Variants in MANBA observed in about 807,000 individuals in gnomAD.
The protein encoded by MANBA is mannosidase beta.
Under a neutral mutation model 111.1 loss-of-function variants are expected in MANBA, and 83 were observed. The ratio of observed to expected loss-of-function variants is 0.75; its 90% CI spans 0.63 to 0.90. MANBA has a LOEUF of 0.90. Ranked by LOEUF, MANBA falls within the 40% of genes least tolerant of loss-of-function variation. The pLI is 0.00. For synonymous variants in MANBA, 370 were observed against 378.7 expected (o/e 0.98, Z 0.27); for missense variants, 1,036 against 1,069.0 (o/e 0.97, Z 0.43).
chr4:102,642,974 C>T (rs1235934607), intron 13 of MANBA, among the ~76,000 whole-genome samples: 3 of 152,128 alleles, frequency 2.0e-5, no homozygotes, highest in African/African-American at 7.2e-5. Context: ...ATTCACATAC[C>T]ATAAAATTCA....
chr4:102,664,631 C>T, intron 11 of MANBA, 54 bp downstream of exon 11: 1 of 1,522,232 alleles, frequency 6.6e-7, no homozygotes, highest in South Asian at 1.1e-5. Context: ...AGCCACCACG[C>T]CCAGCCCTAA....
chr4:102,663,448 T>C (rs1731061962), intron 11 of MANBA, among the ~76,000 whole-genome samples: 1 of 152,190 alleles, frequency 6.6e-6, no homozygotes, highest in Admixed American at 6.5e-5. Flanking sequence ...AATATCAATA[T>C]TGTGAATAAA....
intron 11 of MANBA, among the ~76,000 whole-genome samples, chr4:102,662,203 A>G (rs1475446763): frequency 6.6e-6 from 1 of 152,172 alleles, no homozygotes; most frequent in Non-Finnish European, 1.5e-5. Flanking sequence ...AACAAAAGCA[A>G]TAAGGATGAT....
chr4:102,691,500 C>CTCTTT (rs1003313993), intron 5 of MANBA, among the ~76,000 whole-genome samples: 1 of 150,698 alleles, frequency 6.6e-6, no homozygotes, highest in Non-Finnish European at 1.5e-5. Context: ...AAGGCTTTCT[C>CTCTTT]TCTTTTCTTT....
At chr4:102,635,584 T>C (rs578158429) in intron 15 of MANBA, among the ~76,000 whole-genome samples, 1 of 152,214 alleles carries the variant, frequency 6.6e-6, no homozygotes, top group Admixed American at 6.5e-5. Flanking sequence ...GGGCACATTA[T>C]AGCATATGTG....
At chr4:102,685,597 T>C (rs1397591203) in intron 7 of MANBA, among the ~76,000 whole-genome samples, 1 of 152,070 alleles carries the variant, frequency 6.6e-6, no homozygotes, top group African/African-American at 2.4e-5. Flanking sequence ...CTCAACTACC[T>C]CCCTGCTTTC....
At chr4:102,652,634 T>A (rs1427653688) in intron 12 of MANBA, among the ~76,000 whole-genome samples, 1 of 152,188 alleles carries the variant, frequency 6.6e-6, no homozygotes, top group African/African-American at 2.4e-5. Flanking sequence ...TTCACACCTG[T>A]AATCCCAGCA....
intron 4 of MANBA, chr4:102,722,466 C>T (rs1394247913): frequency 4.7e-6 from 1 of 214,076 alleles, no homozygotes; most frequent in Non-Finnish European, 9.5e-6. Context: ...GAGAACCTGA[C>T]AGTAAGATGC....
chr4:102,736,458 C>T (rs1221664987), intron 1 of MANBA, among the ~76,000 whole-genome samples: 1 of 152,162 alleles, frequency 6.6e-6, no homozygotes, highest in Non-Finnish European at 1.5e-5. Context: ...ACAGAGACTA[C>T]TTAACCAGGT....
At chr4:102,653,275 A>G (rs1387011768) in intron 12 of MANBA, among the ~76,000 whole-genome samples, 1 of 151,316 alleles carries the variant, frequency 6.6e-6, no homozygotes, top group Non-Finnish European at 1.5e-5. Flanking sequence ...CAAGGTATTT[A>G]CTACCATTAA....
At chr4:102,700,665 G>A (rs549634100) in intron 5 of MANBA, among the ~76,000 whole-genome samples, 36 of 152,158 alleles carry the variant, frequency 2.4e-4, no homozygotes, top group African/African-American at 6.5e-4. Flanking sequence ...GTAGTTGAGC[G>A]GTTTTGAGTG....
intron 16 of MANBA, chr4:102,633,193 T>A (rs2866412): frequency 0.53 from 209,189 of 397,454 alleles, 55,983 homozygotes; most frequent in Admixed American, 0.64. Context: ...CGTATCAGGT[T>A]GCTCTTCAGG....
In MANBA at chr4:102,638,398, C is replaced by A. The variant is rs185631260; in HGVS notation, c.2014+1315G>T. On this transcript the variant is annotated intron_variant, in intron 14 of 16. Transcript: ENST00000647097. ...CCATGATTGCACCACTGCACTCCAGCCTGGGCAAAAGCAGAGTGAGACCAT... is the reference window on the plus strand; with the variant it reads ...CCATGATTGCACCACTGCACTCCAGACTGGGCAAAAGCAGAGTGAGACCAT... Among the ~76,000 whole-genome samples the A allele has an allele frequency of 3.3e-3, 496 of 152,144 alleles. 2 individuals carry two copies. Among genetic ancestry groups the A allele is most frequent in the African/African-American group, 0.011 (477 of 41,492 alleles).
intron 13 of MANBA, among the ~76,000 whole-genome samples, chr4:102,642,798 G>A (rs1729940551): frequency 6.6e-6 from 1 of 152,102 alleles, no homozygotes; most frequent in Admixed American, 6.5e-5. Context: ...CTTTCCTCCA[G>A]AGTGATGGAG....
chr4:102,716,499 G>A (rs1722339501), intron 4 of MANBA, among the ~76,000 whole-genome samples: 1 of 152,064 alleles, frequency 6.6e-6, no homozygotes, highest in East Asian at 1.9e-4. Flanking sequence ...GGCCAAGGCA[G>A]ACATTTTATC....
intron 7 of MANBA, among the ~76,000 whole-genome samples, chr4:102,680,581 C>T (rs540597767): frequency 1.5e-3 from 219 of 146,602 alleles, no homozygotes; most frequent in African/African-American, 5.4e-3. Context: ...GTCCAAAGTT[C>T]TAAAAAAAAA....
chr4:102,730,611 G>A (rs146435421), intron 1 of MANBA: 60 of 541,958 alleles, frequency 1.1e-4, no homozygotes, highest in Non-Finnish European at 2.0e-4. Flanking sequence ...CTGACAAGTT[G>A]ATGCCATTGC....
At chr4:102,669,115 A>C in intron 9 of MANBA, 66 bp from the exon 10 acceptor site, 3 of 1,204,518 alleles carry the variant, frequency 2.5e-6, no homozygotes, top group Non-Finnish European at 3.7e-6. Flanking sequence ...GAAAGTCTTT[A>C]TTCTGAGCTC....
intron 5 of MANBA, among the ~76,000 whole-genome samples, chr4:102,693,798 C>T (rs1173663820): frequency 6.6e-6 from 1 of 152,060 alleles, no homozygotes; most frequent in African/African-American, 2.4e-5. Context: ...TAGAATATTA[C>T]CCCCAAAAAA....
Sources: gnomAD v4.1 joint callset for allele counts (sites outside exome capture counted in the v4.1 genomes callset) on GRCh38, gnomAD v4.1.1 for gene constraint, MANE v1.5 for transcripts, NCBI Gene and HGNC (gene_info 2026-07-23, HGNC 2026-07-21) for gene names.